The following SPTBN4 variants were observed in gnomAD, a reference collection of about 807,000 sequenced individuals.
SPTBN4 encodes the protein spectrin beta chain, non-erythrocytic 4.
SPTBN4 carries 96 observed loss-of-function variants against 277.8 expected under a neutral mutation model. The ratio of observed to expected loss-of-function variants is 0.35; its 90% CI spans 0.29 to 0.41. The LOEUF (loss-of-function observed/expected upper bound fraction) is 0.41, where lower values mean the gene tolerates loss of function less well. SPTBN4 is among the 10% of genes least tolerant of loss of function. The probability of loss-of-function intolerance (pLI) is 1.00; values close to 1 mark genes in which losing one functional copy is unlikely to be tolerated. For missense variants in SPTBN4, 3,006 were observed against 3,595.7 expected (o/e 0.84, Z 4.19); for synonymous variants, 1,481 against 1,580.3 (o/e 0.94, Z 1.49).
rs1222871625 is a variant in SPTBN4 at position 40,575,682 on chromosome 19, G to C, written c.*113G>C. 7.6e-7 allele frequency: 1 copy of C among 1,321,484 alleles called. No homozygotes were observed. The highest frequency in any genetic ancestry group is 1.5e-5 in the African/African-American group (1 of 67,396). The allele number at this position is 1,321,484 out of a possible 1,614,324, so 81.9% of individuals were successfully genotyped here. A position where few individuals can be genotyped will look rare whatever the true frequency, so the allele number is the denominator to read the frequency against. On this transcript the variant is annotated 3_prime_UTR_variant, in exon 36 of 36. Transcript: ENST00000598249. ...AGCCCCTAGTTCCAACACTGAGGAC[G>C]CGTGACATGGTGGGCACCGGAAAGG...
chr19:40,512,835 G>T lies in SPTBN4; in HGVS notation c.2046G>T (p.Ala682=). ...GGGAAGAAGA[A]GTAGGAHDLS... ...GTGCGGCGGGCGCAGCGGGCGCAGC[G>T]GGAACAGCGGGCGGCGCGCATGACC... Residue 682 remains alanine, a synonymous_variant, in exon 14 of 36, where the codon GCG becomes GCT. Coordinates refer to ENST00000598249, the MANE Select transcript of SPTBN4 (RefSeq NM_020971.3). 1 of 1,455,458 alleles carries T rather than the reference G, an allele frequency of 6.9e-7. No individual in the cohort carries two copies. Among genetic ancestry groups the T allele is most frequent in the Non-Finnish European group, 9.0e-7 (1 of 1,117,036 alleles). 90.2% of individuals were successfully genotyped at this position (1,455,458 alleles called of 1,614,324 possible).
intron 27 of SPTBN4, among the ~76,000 whole-genome samples, chr19:40,562,529 C>CAAAA (rs35366889): frequency 1.8e-5 from 1 of 55,700 alleles, no homozygotes; most frequent in Non-Finnish European, 3.1e-5. Context: ...GACTCTGTGT[C>CAAAA]AAAAAAAAAA....
At chr19:40,468,466 C>T (rs1239194322) in intron 1 of SPTBN4, among the ~76,000 whole-genome samples, 1 of 150,622 alleles carries the variant, frequency 6.6e-6, no homozygotes, top group Non-Finnish European at 1.5e-5. Flanking sequence ...AACCTCCATC[C>T]CCCAGGTTCA....
Position 40,554,132 on chromosome 19 carries a change from A to G in SPTBN4, c.4675-15A>G. The G allele has an allele frequency of 7.0e-7, 1 of 1,428,424 alleles. No individual in the cohort carries two copies. Among genetic ancestry groups the G allele is most frequent in the Non-Finnish European group, 9.0e-7 (1 of 1,106,564 alleles). 88.5% of individuals were successfully genotyped at this position (1,428,424 alleles called of 1,614,324 possible). Reference sequence around the variant, plus strand: ...GCCCCCTCTCCACCCACATCCCCTTACCTCCTGCCCCCAGGGCCTGCGGCG... The same window carrying G: ...GCCCCCTCTCCACCCACATCCCCTTGCCTCCTGCCCCCAGGGCCTGCGGCG... On this transcript the variant is annotated splice_polypyrimidine_tract_variant and intron_variant, in intron 22 of 35. Transcript: ENST00000598249. This position sits in a 1 kb window ranked among gnomAD's most constrained non-coding sequence, Gnocchi z 5.7.
intron 18 of SPTBN4, among the ~76,000 whole-genome samples, chr19:40,529,579 C>G (rs1017547217): frequency 3.3e-5 from 5 of 152,098 alleles, no homozygotes; most frequent in African/African-American, 1.2e-4. Flanking sequence ...GTTCAGTAAT[C>G]AAGCCCCTTC....
At chr19:40,524,741 G>A (rs1350612636) in intron 17 of SPTBN4, 1 of 398,442 alleles carries the variant, frequency 2.5e-6, no homozygotes, top group African/African-American at 2.1e-5. Flanking sequence ...TGCAAAGTGA[G>A]TGTCTGCATG....
intron 18 of SPTBN4, 73 bp downstream of exon 18, chr19:40,529,204 G>C: frequency 5.7e-6 from 8 of 1,398,988 alleles, no homozygotes; most frequent in Non-Finnish European, 8.1e-6. Context: ...CGGCCGAGGT[G>C]GGGGTGGGGA....
At chr19:40,570,019 T>TAC (rs200635812) in intron 32 of SPTBN4, among the ~76,000 whole-genome samples, 3,714 of 113,416 alleles carry the variant, frequency 0.033, 70 homozygotes, top group African/African-American at 0.073. Flanking sequence ...CAGACACAGA[T>TAC]ACACACACAG....
intron 5 of SPTBN4, 43 bp downstream of exon 5, chr19:40,493,097 T>TC: frequency 6.3e-7 from 1 of 1,581,914 alleles, no homozygotes; most frequent in Non-Finnish European, 8.7e-7. Context: ...AGGCAAGTGG[T>TC]CCCCTAACCT....
At chr19:40,510,909 C>T (rs1382874547) in intron 13 of SPTBN4, among the ~76,000 whole-genome samples, 1 of 152,092 alleles carries the variant, frequency 6.6e-6, no homozygotes, top group Non-Finnish European at 1.5e-5. Flanking sequence ...CCCAGCTACT[C>T]AGGAAGCTGA....
intron 20 of SPTBN4, among the ~76,000 whole-genome samples, chr19:40,546,091 G>A (rs2080856497): frequency 6.7e-6 from 1 of 148,812 alleles, no homozygotes; most frequent in African/African-American, 2.5e-5. Flanking sequence ...CGGGCGTGGT[G>A]ATGTGTGCCT....
intron 29 of SPTBN4, among the ~76,000 whole-genome samples, 157 bp from the exon 30 acceptor site, chr19:40,566,006 T>C (rs944638307): frequency 3.3e-5 from 5 of 152,038 alleles, no homozygotes; most frequent in Non-Finnish European, 4.4e-5. Flanking sequence ...TGATGCCCAC[T>C]GAAATAGCCC....
At chr19:40,528,288 C>T (rs1265422184) in intron 17 of SPTBN4, among the ~76,000 whole-genome samples, 5 of 152,266 alleles carry the variant, frequency 3.3e-5, no homozygotes, top group East Asian at 3.9e-4. Flanking sequence ...CCAGACTGCC[C>T]GGGGCCCATG....
At chr19:40,506,795 T>C (rs552573696) in intron 13 of SPTBN4, among the ~76,000 whole-genome samples, 2 of 152,040 alleles carry the variant, frequency 1.3e-5, no homozygotes, top group South Asian at 2.1e-4. Context: ...CTGGCCAACA[T>C]AGAAAGACAT....
At position 40,502,749 on chromosome 19, in the gene SPTBN4, T is replaced by G. The variant is rs1459995490; in HGVS notation, c.1204-26T>G. The G allele has an allele frequency of 7.4e-6, 12 of 1,611,072 alleles. No individual in the cohort carries two copies. Among genetic ancestry groups the G allele is most frequent in the Non-Finnish European group, 1.0e-5 (12 of 1,178,396 alleles). The stretch of plus-strand genomic sequence containing the variant: ...TAAACTGTGGGGAGCTGTCAGAGTC[T>G]GAGTGCCTCCTCCCATCTCCTGCAG... On this transcript the variant is annotated intron_variant, in intron 10 of 35. Coordinates refer to ENST00000598249, the MANE Select transcript of SPTBN4 (RefSeq NM_020971.3). The surrounding 1 kb of genome is among the most constrained non-coding windows in gnomAD (Gnocchi z 4.9).
chr19:40,549,119 G>T, intron 20 of SPTBN4, 70 bp from the exon 21 acceptor site: 1 of 1,315,718 alleles, frequency 7.6e-7, no homozygotes, highest in Non-Finnish European at 1.0e-6. Flanking sequence ...GTCACCATAA[G>T]GGTACTGGAG....
At position 40,570,620 on chromosome 19, in the gene SPTBN4, A is replaced by G. The variant is rs1452045962; in HGVS notation, c.7211A>G (p.Gln2404Arg). ...CGGCGCTCGCGCTCCGCCCCGGCCC[A>G]GGGCGGCTCCGCCCCCGCGCCTCCG... is the stretch of plus-strand genomic sequence containing the variant. Reference protein sequence around the residue: ...GSRRSRSAPAQGGSAPAPPPP... With the variant: ...GSRRSRSAPARGGSAPAPPPP... The change falls in exon 33 of 36, where the codon CAG (glutamine) becomes CGG (arginine). Residue 2404 changes from glutamine (Q) to arginine (R), a missense_variant. Around this residue, in one of 5 missense-constraint regions of SPTBN4, gnomAD observed 630 missense variants for 677.6 expected, o/e 0.93. Coordinates refer to ENST00000598249, the MANE Select transcript of SPTBN4 (RefSeq NM_020971.3). The G allele has an allele frequency of 4.8e-6, 7 of 1,464,722 alleles. 1 individual carries two copies. The highest frequency in any genetic ancestry group is 3.0e-5 in the East Asian group (1 of 33,700). The allele number at this position is 1,464,722 out of a possible 1,614,324, so 90.7% of individuals were successfully genotyped here.
intron 3 of SPTBN4, among the ~76,000 whole-genome samples, chr19:40,488,567 G>A (rs1453831410): frequency 1.3e-5 from 2 of 152,160 alleles, no homozygotes; most frequent in Admixed American, 1.3e-4. Flanking sequence ...AAGGTGGGAG[G>A]AACACTTGAG....
chr19:40,534,017 C>G, intron 19 of SPTBN4, 63 bp from the exon 20 acceptor site: 2 of 1,515,886 alleles, frequency 1.3e-6, no homozygotes, highest in Non-Finnish European at 1.8e-6. Flanking sequence ...TCCCACACTT[C>G]TCTGATTCTC....
Sources: gnomAD v4.1 joint callset for allele counts (sites outside exome capture counted in the v4.1 genomes callset) on GRCh38, gnomAD v4.1.1 for gene constraint, gnomAD v4.1.1 regional missense constraint, Gnocchi (gnomAD v3.1) non-coding constraint, MANE v1.5 for transcripts, NCBI Gene and HGNC (gene_info 2026-07-23, HGNC 2026-07-21) for gene names.